Variants in SLC16A10 observed in about 807,000 individuals in gnomAD.
The protein encoded by SLC16A10 is solute carrier family 16 member 10.
Under a neutral mutation model 40.0 loss-of-function variants are expected in SLC16A10, and 27 were observed. The ratio of observed to expected loss-of-function variants is 0.67; its 90% CI spans 0.50 to 0.93. SLC16A10 has a LOEUF of 0.93. Among genes scored for constraint, SLC16A10 ranks in the 40% least tolerant of loss-of-function variants. The pLI, the probability that SLC16A10 is intolerant of heterozygous loss-of-function variation, is 0.00. For missense variants in SLC16A10, 529 were observed against 658.2 expected, an observed-to-expected ratio of 0.80 and a Z score of 2.15; for synonymous variants, 213 against 249.8, an observed-to-expected ratio of 0.85 and a Z score of 1.39.
chr6:111,210,928 C>T (rs1773336496), intron 4 of SLC16A10, among the ~76,000 whole-genome samples: 1 of 151,154 alleles, frequency 6.6e-6, no homozygotes, highest in South Asian at 2.1e-4. Context: ...GAGGCTGAGG[C>T]AGGAGAGTCG....
At chr6:111,155,022 CAAAAA>C (rs397888706) in intron 1 of SLC16A10, among the ~76,000 whole-genome samples, 1 of 53,454 alleles carries the variant, frequency 1.9e-5, no homozygotes. Context: ...GACTCCATCT[CAAAAA>C]AAAAAAAAAA....
chr6:111,137,353 T>G (rs1236594579), intron 1 of SLC16A10, among the ~76,000 whole-genome samples: 2 of 152,232 alleles, frequency 1.3e-5, no homozygotes, highest in Admixed American at 1.3e-4. Context: ...GGCCAAATCA[T>G]TATTTACTGG....
At chr6:111,109,048 TTAA>T (rs1173809529) in intron 1 of SLC16A10, among the ~76,000 whole-genome samples, 1 of 152,238 alleles carries the variant, frequency 6.6e-6, no homozygotes, top group Non-Finnish European at 1.5e-5. Flanking sequence ...TTAAATGTAA[TTAA>T]TTTTTTAAAA....
chr6:111,229,051 A>G lies in SLC16A10; in HGVS notation c.*6816A>G, dbSNP rs940483231. On this transcript the variant is annotated 3_prime_UTR_variant, in exon 6 of 6. Transcript: ENST00000368851. ...TCTCAAAAAAAAAAAAAAAAAAAATAGTGCTGCATTTTGACCCTGGACTAT... is the reference window on the plus strand; with the variant it reads ...TCTCAAAAAAAAAAAAAAAAAAAATGGTGCTGCATTTTGACCCTGGACTAT... 4 of 143,078 alleles carry G rather than the reference A, an allele frequency of 2.8e-5. No individual in the cohort carries two copies. The highest frequency in any genetic ancestry group is 1.0e-4 in the African/African-American group (4 of 39,124). 8.9% of individuals were successfully genotyped at this position (143,078 alleles called of 1,614,324 possible). A position where few individuals can be genotyped will look rare whatever the true frequency, so the allele number is the denominator to read the frequency against.
chr6:111,097,478 A>AT (rs1477021255), intron 1 of SLC16A10, among the ~76,000 whole-genome samples: 14 of 151,528 alleles, frequency 9.2e-5, no homozygotes, highest in Non-Finnish European at 1.6e-4. Flanking sequence ...TGCCTGGCTA[A>AT]TTTTTTTGTA....
chr6:111,226,433 A>T lies in SLC16A10; in HGVS notation c.*4198A>T, dbSNP rs1770996941. The T allele has an allele frequency of 6.6e-6, 1 of 152,218 alleles. No individual in the cohort carries two copies. Among genetic ancestry groups the T allele is most frequent in the Admixed American group, 6.5e-5 (1 of 15,274 alleles). The allele number at this position is 152,218 out of a possible 1,614,324, so 9.4% of individuals were successfully genotyped here. On this transcript the variant is annotated 3_prime_UTR_variant, in exon 6 of 6. Coordinates refer to ENST00000368851, the MANE Select transcript of SLC16A10 (RefSeq NM_018593.5). Reference sequence around the variant, plus strand: ...AGTTTAGAGATACAAGTAGAAATGCATAAGCTAATTAGCTCCAATTTTATA... The same window carrying T: ...AGTTTAGAGATACAAGTAGAAATGCTTAAGCTAATTAGCTCCAATTTTATA...
At chr6:111,121,320 G>C (rs182335099) in intron 1 of SLC16A10, among the ~76,000 whole-genome samples, 2,184 of 152,316 alleles carry the variant, frequency 0.014, 14 homozygotes, top group African/African-American at 0.033. Context: ...CCGGCACTTT[G>C]GGGGGCTGAG....
chr6:111,154,545 A>G (rs1047254047), intron 1 of SLC16A10, among the ~76,000 whole-genome samples: 4 of 152,228 alleles, frequency 2.6e-5, no homozygotes, highest in Admixed American at 1.3e-4. Flanking sequence ...TACTTTACTC[A>G]AGGAAGCAAG....
At chr6:111,159,451 T>C (rs1323805929) in intron 1 of SLC16A10, among the ~76,000 whole-genome samples, 2 of 152,236 alleles carry the variant, frequency 1.3e-5, no homozygotes, top group African/African-American at 4.8e-5. Flanking sequence ...CATGTTGTTG[T>C]ATTTATCAGT....
At chr6:111,115,347 T>G (rs532941247) in intron 1 of SLC16A10, among the ~76,000 whole-genome samples, 1 of 152,298 alleles carries the variant, frequency 6.6e-6, no homozygotes, top group Non-Finnish European at 1.5e-5. Context: ...GTAGCTGGGA[T>G]TATAGGCGCC....
chr6:111,107,955 A>G (rs1771313641), intron 1 of SLC16A10, among the ~76,000 whole-genome samples: 1 of 152,126 alleles, frequency 6.6e-6, no homozygotes, highest in African/African-American at 2.4e-5. Flanking sequence ...GTTCCCGGTC[A>G]TCCTCTCATC....
chr6:111,112,769 T>C (rs1220772072), intron 1 of SLC16A10, among the ~76,000 whole-genome samples: 1 of 152,216 alleles, frequency 6.6e-6, no homozygotes, highest in Non-Finnish European at 1.5e-5. Flanking sequence ...GACTGTGCAC[T>C]AAACAAATAG....
intron 3 of SLC16A10, among the ~76,000 whole-genome samples, chr6:111,195,443 C>G (rs910846109): frequency 9.2e-5 from 14 of 151,890 alleles, no homozygotes; most frequent in African/African-American, 3.1e-4. Context: ...AGTTGTACAA[C>G]AATGTAAATG....
At chr6:111,145,345 A>T (rs191468377) in intron 1 of SLC16A10, among the ~76,000 whole-genome samples, 1 of 152,276 alleles carries the variant, frequency 6.6e-6, no homozygotes, top group East Asian at 1.9e-4. Flanking sequence ...AGGCTGCAAT[A>T]AGCCATGTTT....
At chr6:111,155,377 T>G (rs1220017405) in intron 1 of SLC16A10, among the ~76,000 whole-genome samples, 1 of 151,886 alleles carries the variant, frequency 6.6e-6, no homozygotes, top group Non-Finnish European at 1.5e-5. Context: ...GTTTTTTTTT[T>G]TCTGTAGAGA....
intron 1 of SLC16A10, among the ~76,000 whole-genome samples, chr6:111,111,203 A>G (rs1436594823): frequency 6.6e-6 from 1 of 152,154 alleles, no homozygotes; most frequent in Non-Finnish European, 1.5e-5. Context: ...TTGTTTTGAC[A>G]TTTAAAATAT....
In SLC16A10 at chr6:111,152,434, T is replaced by C. The variant is rs1772189284; in HGVS notation, c.344-20261T>C. On this transcript the variant is annotated intron_variant, in intron 1 of 5. Coordinates refer to ENST00000368851, the MANE Select transcript of SLC16A10 (RefSeq NM_018593.5). Reference sequence around the variant, plus strand: ...ATGAAGGTGTTGCATACAAATTTGATAAATAAAACTTAGGTTTTCTTTCAA... The same window carrying C: ...ATGAAGGTGTTGCATACAAATTTGACAAATAAAACTTAGGTTTTCTTTCAA... Among the ~76,000 whole-genome samples, 6 of 152,256 alleles carry C rather than the reference T, an allele frequency of 3.9e-5. 1 individual carries two copies. The South Asian group carries it at 1.2e-3, about 31-fold the overall frequency.
chr6:111,170,246 C>T (rs138881494), intron 1 of SLC16A10, among the ~76,000 whole-genome samples: 207 of 152,140 alleles, frequency 1.4e-3, no homozygotes, highest in Middle Eastern at 6.8e-3. Context: ...TATCTTCACT[C>T]ATATAAGCAG....
chr6:111,114,772 G>C (rs1771456270), intron 1 of SLC16A10, among the ~76,000 whole-genome samples: 1 of 152,166 alleles, frequency 6.6e-6, no homozygotes, highest in South Asian at 2.1e-4. Flanking sequence ...TATTACCAGA[G>C]TTAAGATTTT....
Sources: allele counts gnomAD v4.1 joint callset (sites outside exome capture counted in the v4.1 genomes callset), GRCh38; gene constraint gnomAD v4.1.1; transcripts MANE v1.5; gene names NCBI Gene and HGNC (gene_info 2026-07-23, HGNC 2026-07-21).